MIA2: variants seen among roughly 807,000 people sequenced by gnomAD.
MIA2 encodes MIA SH3 domain ER export factor 2, also known as melanoma inhibitory activity protein 2.
Under a neutral mutation model 167.8 loss-of-function variants are expected in MIA2, and 127 were observed. The observed-to-expected ratio is 0.76, with a 90% CI of 0.66 to 0.88. The LOEUF is 0.88. Ranked by LOEUF, MIA2 falls within the 40% of genes least tolerant of loss-of-function variation. MIA2 has a pLI of 0.00. For missense variants in MIA2, 1,690 were observed against 1,624.7 expected, an observed-to-expected ratio of 1.04 and a Z score of -0.69; for synonymous variants, 552 against 541.9, an observed-to-expected ratio of 1.02 and a Z score of -0.26.
intron 6 of MIA2, among the ~76,000 whole-genome samples, chr14:39,260,803 A>T (rs989129622): frequency 2.0e-5 from 3 of 152,070 alleles, no homozygotes; most frequent in Non-Finnish European, 4.4e-5. Flanking sequence ...CCTGAATGGT[A>T]TTGCCTAGGT....
At chr14:39,349,318 CTT>C (rs1237392789) in intron 28 of MIA2, among the ~76,000 whole-genome samples, 6 of 152,308 alleles carry the variant, frequency 3.9e-5, no homozygotes, top group East Asian at 3.9e-4. Context: ...AAAATAATAA[CTT>C]ATATTCTAGC....
At chr14:39,285,005 G>A (rs1362051539) in intron 9 of MIA2, among the ~76,000 whole-genome samples, 1 of 152,140 alleles carries the variant, frequency 6.6e-6, no homozygotes, top group Non-Finnish European at 1.5e-5. Flanking sequence ...ATCTTGCACC[G>A]CCCTTAATCC....
chr14:39,245,807 T>C (rs996256285), intron 3 of MIA2, among the ~76,000 whole-genome samples: 2 of 152,112 alleles, frequency 1.3e-5, no homozygotes, highest in African/African-American at 4.8e-5. Context: ...ATCCCACCCA[T>C]TCTGCCCTTA....
At chr14:39,346,145 T>C in intron 26 of MIA2, 119 bp downstream of exon 26, 1 of 783,560 alleles carries the variant, frequency 1.3e-6, no homozygotes, top group Non-Finnish European at 2.1e-6. Flanking sequence ...CCAAAATCTC[T>C]TTCCTGAAAA....
chr14:39,326,942 A>G lies in MIA2; in HGVS notation c.3575A>G (p.Asp1192Gly). The G allele has an allele frequency of 6.3e-7, 1 of 1,597,952 alleles. No individual in the cohort carries two copies. ...GAATCAAGCTGTGATAGGTTAACCGATCCTCATAGGGCTCCCTCTGACACT... is the reference window on the plus strand; with the variant it reads ...GAATCAAGCTGTGATAGGTTAACCGGTCCTCATAGGGCTCCCTCTGACACT... ...RGESSCDRLT[D>G]PHRAPSDTGS... Residue 1192 changes from aspartate (D) to glycine (G), a missense_variant, in exon 25 of 29, where the codon GAT becomes GGT. By Grantham distance (94) the Asp-to-Gly change is moderately conservative. Transcript: ENST00000640607.
intron 23 of MIA2, among the ~76,000 whole-genome samples, chr14:39,372,896 T>A (rs1229428823): frequency 6.6e-6 from 1 of 152,180 alleles, no homozygotes; most frequent in Non-Finnish European, 1.5e-5. Flanking sequence ...AAGCAATTCC[T>A]ACTGAAATTG....
At position 39,348,887 on chromosome 14, in the gene MIA2, C is replaced by T. The variant is rs745827386; in HGVS notation, c.3982C>T (p.Pro1328Ser). The change falls in exon 28 of 29, where the codon CCC (proline) becomes TCC (serine). Residue 1328 changes from proline to serine, a missense_variant. Coordinates refer to ENST00000640607, the MANE Select transcript of MIA2 (RefSeq NM_001329214.4). The stretch of plus-strand genomic sequence containing the variant: ...ATTCTTGAGAAGAGGACCTCCTTTC[C>T]CCCCACCTCCTCCAGGAGCCATGTT... ...GPFLRRGPPF[P>S]PPPPGAMFGA... is the part of the protein sequence containing the mutation. The T allele has an allele frequency of 3.1e-6, 5 of 1,614,110 alleles. No homozygotes were observed. In the South Asian group the frequency reaches 4.4e-5, roughly 14 times the overall value.
rs1177370572 is a variant in MIA2 at position 39,263,261 on chromosome 14, G to C, written c.1887+10090G>C. 3.3e-5 allele frequency among the ~76,000 whole-genome samples: 5 copies of C among 152,234 alleles called. No homozygotes were observed. In the South Asian group the frequency reaches 6.2e-4, roughly 19 times the overall value. On this transcript the variant is annotated intron_variant, in intron 6 of 28. Coordinates refer to ENST00000640607, the MANE Select transcript of MIA2 (RefSeq NM_001329214.4). ...ATTTTGTCGAAGGCCTTTTCTGCAT[G>C]TATTGAGATAATCATGTGGTTTTTG... is the stretch of plus-strand genomic sequence containing the variant.
At chr14:39,314,019 T>C (rs1339202825) in intron 19 of MIA2, among the ~76,000 whole-genome samples, 1 of 152,224 alleles carries the variant, frequency 6.6e-6, no homozygotes, top group African/African-American at 2.4e-5. Flanking sequence ...TAAGTTATCT[T>C]GTTAATCTCA....
At chr14:39,254,947 G>A (rs1391982268) in intron 6 of MIA2, among the ~76,000 whole-genome samples, 3 of 152,198 alleles carry the variant, frequency 2.0e-5, no homozygotes, top group African/African-American at 7.2e-5. Context: ...ATAAGGAAAA[G>A]TGAGGATACC....
intron 26 of MIA2, among the ~76,000 whole-genome samples, chr14:39,346,714 A>AT (rs909611270): frequency 1.3e-5 from 2 of 149,080 alleles, no homozygotes; most frequent in Admixed American, 6.7e-5. Flanking sequence ...AAAAATATTG[A>AT]TTTTCTGACA....
chr14:39,329,300 ATTGATT>A (rs2068262498), intron 25 of MIA2, among the ~76,000 whole-genome samples: 2 of 152,172 alleles, frequency 1.3e-5, no homozygotes, highest in Non-Finnish European at 2.9e-5. Flanking sequence ...ATTTTTGCAC[ATTGATT>A]TTGTATCCTG....
Position 39,350,159 on chromosome 14 carries a change from C to T in MIA2, c.4134C>T (p.Phe1378=), listed in dbSNP as rs529369922. The T allele has an allele frequency of 2.6e-5, 26 of 1,003,964 alleles. No homozygotes were observed. Among genetic ancestry groups the T allele is most frequent in the African/African-American group, 5.2e-5 (3 of 57,252 alleles). The allele number at this position is 1,003,964 out of a possible 1,614,324, so 62.2% of individuals were successfully genotyped here. A position where few individuals can be genotyped will look rare whatever the true frequency, so the allele number is the denominator to read the frequency against. The change falls in exon 29 of 29, where the codon TTC becomes TTT. Residue 1378 remains phenylalanine, a synonymous_variant. Coordinates refer to ENST00000640607, the MANE Select transcript of MIA2 (RefSeq NM_001329214.4). ...PPYLPPRPGF[F]PPPPHSEGRS... is the part of the protein sequence containing the mutation. Reference sequence around the variant, plus strand: ...ACCTTCCCCCAAGACCTGGATTTTTCCCCCCACCCCCACATTCTGAAGGTA... The same window carrying T: ...ACCTTCCCCCAAGACCTGGATTTTTTCCCCCACCCCCACATTCTGAAGGTA...
intron 24 of MIA2, among the ~76,000 whole-genome samples, chr14:39,323,811 C>T (rs1486396451): frequency 6.6e-6 from 1 of 152,136 alleles, no homozygotes; most frequent in Non-Finnish European, 1.5e-5. Flanking sequence ...TTAAAATTTA[C>T]ATTTGATTTC....
intron 6 of MIA2, among the ~76,000 whole-genome samples, chr14:39,270,806 A>G (rs1038043828): frequency 6.6e-6 from 1 of 152,216 alleles, no homozygotes; most frequent in Non-Finnish European, 1.5e-5. Flanking sequence ...TCATTTAAAA[A>G]ATGGGTGGTC....
chr14:39,286,208 C>T (rs527642597), intron 9 of MIA2, among the ~76,000 whole-genome samples: 14 of 152,034 alleles, frequency 9.2e-5, no homozygotes, highest in Non-Finnish European at 1.9e-4. Context: ...CTCGGGAGGC[C>T]GAGGCTGGCA....
At chr14:39,285,895 G>C (rs1158172235) in intron 9 of MIA2, among the ~76,000 whole-genome samples, 2 of 151,350 alleles carry the variant, frequency 1.3e-5, no homozygotes, top group Non-Finnish European at 2.9e-5. Context: ...TGGGCGGCCG[G>C]GCAGAGATGC....
intron 3 of MIA2, among the ~76,000 whole-genome samples, chr14:39,245,081 CT>C (rs10683715): frequency 1.5e-4 from 18 of 119,696 alleles, no homozygotes; most frequent in Admixed American, 8.8e-5. Flanking sequence ...CCTAGCTAAC[CT>C]TTTTTTTTTT....
intron 6 of MIA2, chr14:39,265,288 A>G: frequency 1.1e-6 from 1 of 876,656 alleles, no homozygotes; most frequent in Non-Finnish European, 1.8e-6. Context: ...GTGTGGAAAC[A>G]GAAGAGTGCA....
Sources: allele counts gnomAD v4.1 joint callset (sites outside exome capture counted in the v4.1 genomes callset), GRCh38; gene constraint gnomAD v4.1.1; transcripts MANE v1.5; gene names NCBI Gene and HGNC (gene_info 2026-07-23, HGNC 2026-07-21).